LPP: variants seen among roughly 807,000 people sequenced by gnomAD.
The protein encoded by LPP is LIM domain containing preferred translocation partner in lipoma.
In LPP, 38 loss-of-function variants were observed where a neutral mutation model predicts 60.4. The ratio of observed to expected loss-of-function variants is 0.63; its 90% confidence interval spans 0.49 to 0.83. LPP has a LOEUF of 0.83. Among genes scored for constraint, LPP ranks in the 40% least tolerant of loss-of-function variants. LPP has a pLI of 0.00. For synonymous variants in LPP, 328 were observed against 290.8 expected (o/e 1.13, Z -1.30); for missense variants, 902 against 783.6 (o/e 1.15, Z -1.80).
At chr3:188,845,775 T>C (rs1012303772) in intron 9 of LPP, among the ~76,000 whole-genome samples, 6 of 152,146 alleles carry the variant, frequency 3.9e-5, no homozygotes, top group Non-Finnish European at 5.9e-5. Context: ...TTGGGACAAG[T>C]GGATTCACAA....
In LPP at chr3:188,879,817, A is replaced by G. The variant is rs1394390363; in HGVS notation, c.*5338A>G. The stretch of plus-strand genomic sequence containing the variant: ...ATAATATATTGTAATAGTTGATACT[A>G]AAATATTTTTCAGCAGGTTGGACAG... On this transcript the variant is annotated 3_prime_UTR_variant, in exon 12 of 12. Coordinates refer to ENST00000617246, the MANE Select transcript of LPP (RefSeq NM_001375462.1). The G allele has an allele frequency of 5.5e-6, 1 of 180,772 alleles. No individual in the cohort carries two copies. Among genetic ancestry groups the G allele is most frequent in the African/African-American group, 2.4e-5 (1 of 42,392 alleles). 11.2% of individuals were successfully genotyped at this position (180,772 alleles called of 1,614,324 possible).
At chr3:188,311,826 A>C in intron 2 of LPP, among the ~76,000 whole-genome samples, 1 of 151,914 alleles carries the variant, frequency 6.6e-6, no homozygotes, top group Non-Finnish European at 1.5e-5. Context: ...TTTAGTAGAG[A>C]CAGAGTTTCA....
chr3:188,825,318 G>A (rs1436795063), intron 9 of LPP, among the ~76,000 whole-genome samples: 6 of 89,822 alleles, frequency 6.7e-5, no homozygotes, highest in African/African-American at 2.0e-4. Flanking sequence ...TGTGTGTGTA[G>A]GATCACTGGA....
At chr3:188,488,885 C>T (rs971352421) in intron 5 of LPP, among the ~76,000 whole-genome samples, 3 of 152,146 alleles carry the variant, frequency 2.0e-5, no homozygotes, top group African/African-American at 7.2e-5. Flanking sequence ...GATCCACCCG[C>T]CTTGGCCTCC....
At chr3:188,325,177 C>T (rs569392617) in intron 2 of LPP, among the ~76,000 whole-genome samples, 47 of 152,066 alleles carry the variant, frequency 3.1e-4, no homozygotes, top group Non-Finnish European at 4.4e-4. Context: ...GATGGGTTTT[C>T]ACCATGTTGG....
intron 3 of LPP, among the ~76,000 whole-genome samples, chr3:188,405,540 T>G (rs1783254621): frequency 6.6e-6 from 1 of 152,112 alleles, no homozygotes; most frequent in African/African-American, 2.4e-5. Context: ...TCAAACCCAG[T>G]CTGTATATCA....
At chr3:188,471,527 G>C (rs1801841847) in intron 4 of LPP, among the ~76,000 whole-genome samples, 2 of 152,182 alleles carry the variant, frequency 1.3e-5, no homozygotes, top group African/African-American at 4.8e-5. Flanking sequence ...AGATAAAAAG[G>C]AAAAGGGTTT....
intron 3 of LPP, among the ~76,000 whole-genome samples, chr3:188,355,795 C>A (rs1767435809): frequency 6.6e-6 from 1 of 152,116 alleles, no homozygotes; most frequent in Non-Finnish European, 1.5e-5. Context: ...TATGACTATT[C>A]TATCAATGTG....
chr3:188,195,122 C>T (rs1488703250), intron 1 of LPP, among the ~76,000 whole-genome samples: 2 of 152,050 alleles, frequency 1.3e-5, no homozygotes, highest in South Asian at 2.1e-4. Flanking sequence ...AGCTGGGCGT[C>T]GTGGCTTGTG....
chr3:188,173,604 A>T (rs1380651510), intron 1 of LPP, among the ~76,000 whole-genome samples: 2 of 152,202 alleles, frequency 1.3e-5, no homozygotes, highest in East Asian at 1.9e-4. Context: ...ACTATGACGT[A>T]TAATGTTGTA....
chr3:188,464,667 A>G (rs1030681017), intron 4 of LPP, among the ~76,000 whole-genome samples: 2 of 152,176 alleles, frequency 1.3e-5, no homozygotes, highest in African/African-American at 4.8e-5. Flanking sequence ...GAGCAACAAC[A>G]TAGATATATC....
intron 9 of LPP, among the ~76,000 whole-genome samples, chr3:188,791,884 G>A (rs961813795): frequency 2.0e-5 from 3 of 152,106 alleles, no homozygotes; most frequent in African/African-American, 7.2e-5. Context: ...CTTGAGGACA[G>A]GGAAAGTTTC....
chr3:188,334,357 GT>G (rs71167094), intron 2 of LPP, among the ~76,000 whole-genome samples: 160 of 132,472 alleles, frequency 1.2e-3, no homozygotes, highest in Middle Eastern at 4.1e-3. Context: ...TATTGAAAAT[GT>G]TTTTTTTTTT....
intron 9 of LPP, among the ~76,000 whole-genome samples, chr3:188,771,549 C>CAAAAAAAAA (rs66712771): frequency 4.1e-4 from 45 of 108,826 alleles, no homozygotes; most frequent in East Asian, 5.9e-4. Flanking sequence ...GACTCCATCT[C>CAAAAAAAAA]AAAAAAAAAA....
chr3:188,520,808 T>G (rs998662742), intron 5 of LPP, among the ~76,000 whole-genome samples: 1 of 152,174 alleles, frequency 6.6e-6, no homozygotes, highest in Non-Finnish European at 1.5e-5. Context: ...TGGTGGTAAC[T>G]AGAAAAAGCA....
In LPP at chr3:188,414,106, T is replaced by A. The variant is rs1045030665; in HGVS notation, c.193+7793T>A. On this transcript the variant is annotated intron_variant, in intron 4 of 11. Transcript: ENST00000617246. ...CTAGTTCCTGCCCTCTTGGGATGTA[T>A]TTTCTTGCTATAATAAAAATAACAT... Among the ~76,000 whole-genome samples, 19 of 152,234 alleles carry A rather than the reference T, an allele frequency of 1.2e-4. 3 individuals are homozygous for A. Among genetic ancestry groups the A allele is most frequent in the East Asian group, 5.8e-4 (3 of 5,184 alleles).
chr3:188,805,254 T>C (rs1462684171), intron 9 of LPP, among the ~76,000 whole-genome samples: 4 of 152,024 alleles, frequency 2.6e-5, no homozygotes, highest in Non-Finnish European at 5.9e-5. Context: ...TCTGGAAGAA[T>C]TTGTATGGAA....
At chr3:188,563,696 A>C (rs1831343486) in intron 6 of LPP, among the ~76,000 whole-genome samples, 1 of 150,080 alleles carries the variant, frequency 6.7e-6, no homozygotes, top group Admixed American at 6.7e-5. Flanking sequence ...GTACATGTGA[A>C]TCCAGAATTG....
At chr3:188,303,766 G>A (rs775839090) in intron 2 of LPP, among the ~76,000 whole-genome samples, 1 of 152,160 alleles carries the variant, frequency 6.6e-6, no homozygotes, top group African/African-American at 2.4e-5. Context: ...ATTAAAAATA[G>A]GTTCCCAGTA....
Sources: gnomAD v4.1 joint callset for allele counts (sites outside exome capture counted in the v4.1 genomes callset) on GRCh38, gnomAD v4.1.1 for gene constraint, MANE v1.5 for transcripts, NCBI Gene and HGNC (gene_info 2026-07-23, HGNC 2026-07-21) for gene names.